SHISA6: variants seen among roughly 807,000 people sequenced by gnomAD.
SHISA6 encodes the protein shisa family member 6.
In SHISA6, 22 loss-of-function variants were observed where a neutral mutation model predicts 47.9. That is an observed-to-expected ratio of 0.46 (90% CI 0.33 to 0.66). The LOEUF (loss-of-function observed/expected upper bound fraction) is 0.66. Among genes scored for constraint, SHISA6 ranks in the 30% least tolerant of loss-of-function variants. The pLI is 0.02. For missense variants in SHISA6, 680 were observed against 764.6 expected (o/e 0.89, Z 1.30); for synonymous variants, 388 against 337.8 (o/e 1.15, Z -1.63).
At chr17:11,519,207 C>G (rs1035207309) in intron 3 of SHISA6, among the ~76,000 whole-genome samples, 2 of 152,162 alleles carry the variant, frequency 1.3e-5, no homozygotes, top group Non-Finnish European at 2.9e-5. Context: ...TACACAAACA[C>G]TATTCACAAT....
At position 11,439,804 on chromosome 17, in the gene SHISA6, C is replaced by G. The variant is rs544098370; in HGVS notation, c.895+60295C>G. On this transcript the variant is annotated intron_variant, in intron 3 of 5. Coordinates refer to ENST00000441885, the MANE Select transcript of SHISA6 (RefSeq NM_207386.4). ...TGCAACTCTGCCTCTTCCTGTCTCT[C>G]TTTTGGTCTAGTGCTTTTAGCGCTT... Among the ~76,000 whole-genome samples the G allele has an allele frequency of 3.2e-4, 48 of 152,340 alleles. 1 individual carries two copies. In the South Asian group the frequency reaches 9.5e-3, roughly 30 times the overall value.
At chr17:11,297,349 G>T (rs544850091) in intron 2 of SHISA6, among the ~76,000 whole-genome samples, 1 of 152,148 alleles carries the variant, frequency 6.6e-6, no homozygotes, top group Non-Finnish European at 1.5e-5. Flanking sequence ...TATTTCCTCT[G>T]CAATGAATAG....
chr17:11,331,626 C>T (rs1473676624), intron 2 of SHISA6, among the ~76,000 whole-genome samples: 1 of 152,156 alleles, frequency 6.6e-6, no homozygotes, highest in African/African-American at 2.4e-5. Flanking sequence ...TGCATGCACT[C>T]ACAATGAAAC....
intron 3 of SHISA6, among the ~76,000 whole-genome samples, chr17:11,441,591 C>G (rs1336688111): frequency 6.6e-6 from 1 of 152,172 alleles, no homozygotes; most frequent in Non-Finnish European, 1.5e-5. Context: ...AAATTACTCT[C>G]CATTTTGCAG....
intron 3 of SHISA6, among the ~76,000 whole-genome samples, chr17:11,550,097 C>T (rs966677424): frequency 3.3e-5 from 5 of 152,004 alleles, no homozygotes; most frequent in African/African-American, 1.2e-4. Context: ...CTCTATCCCC[C>T]AGGCTGGAGT....
rs76385825 is a variant in SHISA6 at position 11,250,928 on chromosome 17, G to C, written c.638+8868G>C. On this transcript the variant is annotated intron_variant, in intron 1 of 5. Transcript: ENST00000441885. ...TACTCATAAGAGTGCCGGGTCTCGA[G>C]GGCTTACTCTGTACCAGCATCCAGC... Among the ~76,000 whole-genome samples, 3 of 152,158 alleles carry C rather than the reference G, an allele frequency of 2.0e-5. No individual in the cohort carries two copies. In the East Asian group the frequency reaches 5.8e-4, roughly 29 times the overall value.
intron 3 of SHISA6, among the ~76,000 whole-genome samples, chr17:11,398,999 T>C (rs1427475706): frequency 1.3e-5 from 2 of 152,130 alleles, no homozygotes; most frequent in Admixed American, 1.3e-4. Context: ...ACAAGGATTG[T>C]AGCAGGAGTG....
chr17:11,463,798 C>T (rs767489585), intron 3 of SHISA6, among the ~76,000 whole-genome samples: 10 of 152,168 alleles, frequency 6.6e-5, no homozygotes, highest in Non-Finnish European at 1.2e-4. Flanking sequence ...ATAATACTCA[C>T]GGATCCTAAG....
chr17:11,290,211 T>G (rs942427110), intron 2 of SHISA6: 1 of 132,952 alleles, frequency 7.5e-6, no homozygotes, highest in African/African-American at 2.8e-5. Flanking sequence ...AAATTTGTAG[T>G]TTTTGTGTGT....
intron 3 of SHISA6, among the ~76,000 whole-genome samples, chr17:11,403,207 G>A (rs1024346193): frequency 1.1e-4 from 17 of 152,104 alleles, no homozygotes; most frequent in Admixed American, 9.8e-4. Context: ...TACATGATTA[G>A]AATCACTCAA....
intron 3 of SHISA6, among the ~76,000 whole-genome samples, chr17:11,526,933 ATATT>A (rs1396833064): frequency 2.4e-4 from 11 of 45,876 alleles, no homozygotes; most frequent in African/African-American, 8.1e-4. Context: ...ATATATATAT[ATATT>A]ATAATGATCA....
At chr17:11,525,863 G>T (rs763358304) in intron 3 of SHISA6, among the ~76,000 whole-genome samples, 188 of 151,958 alleles carry the variant, frequency 1.2e-3, no homozygotes, top group Admixed American at 3.3e-3. Context: ...AAAAATATTG[G>T]CTGGGCATGG....
chr17:11,294,459 TG>T (rs1192106486), intron 2 of SHISA6, among the ~76,000 whole-genome samples: 1 of 152,196 alleles, frequency 6.6e-6, no homozygotes, highest in Non-Finnish European at 1.5e-5. Context: ...GTAGCAGCTG[TG>T]GACCCAAGAA....
At chr17:11,245,655 A>G (rs2059527191) in intron 1 of SHISA6, among the ~76,000 whole-genome samples, 1 of 134,744 alleles carries the variant, frequency 7.4e-6, no homozygotes, top group Admixed American at 9.3e-5. Flanking sequence ...GGAAGCTATT[A>G]GGATGCTGGA....
chr17:11,241,748 A>T lies in SHISA6; in HGVS notation c.326A>T (p.Glu109Val). ...AGCGGCCAGTACGACAAGGAGTTCG[A>T]GTGTAACAACAGCGAGAGCGGCTAC... ...DVSGQYDKEF[E>V]CNNSESGYLY... Residue 109 changes from glutamate to valine, a missense_variant, in exon 1 of 6, where the codon GAG becomes GTG. Around this residue, in one of 2 missense-constraint regions of SHISA6, gnomAD observed 559 missense variants for 674.1 expected, o/e 0.83. Coordinates refer to ENST00000441885, the MANE Select transcript of SHISA6 (RefSeq NM_207386.4). The surrounding 1 kb of genome is among the most constrained non-coding windows in gnomAD (Gnocchi z 5.5). The T allele has an allele frequency of 6.5e-7, 1 of 1,546,402 alleles. No homozygotes were observed. The highest frequency in any genetic ancestry group is 8.7e-7 in the Non-Finnish European group (1 of 1,146,950).
intron 2 of SHISA6, among the ~76,000 whole-genome samples, chr17:11,332,177 G>A (rs141433753): frequency 2.5e-3 from 382 of 151,984 alleles, no homozygotes; most frequent in African/African-American, 8.8e-3. Flanking sequence ...GTGAAGACAA[G>A]TGAGCGTCCT....
intron 2 of SHISA6, among the ~76,000 whole-genome samples, chr17:11,300,683 T>C (rs1909895350): frequency 6.6e-6 from 1 of 151,664 alleles, no homozygotes; most frequent in Admixed American, 6.6e-5. Context: ...TTTTTTTTTT[T>C]TGTAATTCAG....
chr17:11,464,741 G>A (rs746315009), intron 3 of SHISA6, among the ~76,000 whole-genome samples: 1 of 152,090 alleles, frequency 6.6e-6, no homozygotes, highest in Admixed American at 6.5e-5. Flanking sequence ...CCAGGAGTTC[G>A]AGACCAGCCT....
intron 3 of SHISA6, among the ~76,000 whole-genome samples, chr17:11,400,001 A>T (rs908128574): frequency 6.6e-5 from 10 of 152,158 alleles, no homozygotes; most frequent in African/African-American, 2.4e-4. Context: ...CATTTCTCAT[A>T]TTGCTAGATT....
Sources: allele counts gnomAD v4.1 joint callset (sites outside exome capture counted in the v4.1 genomes callset), GRCh38; gene constraint gnomAD v4.1.1; regional missense constraint gnomAD v4.1.1; non-coding constraint Gnocchi (gnomAD v3.1); transcripts MANE v1.5; gene names NCBI Gene and HGNC (gene_info 2026-07-23, HGNC 2026-07-21).